The following ALDH18A1 variants were observed in gnomAD, a reference collection of about 807,000 sequenced individuals.
ALDH18A1 encodes the protein aldehyde dehydrogenase 18 family member A1, also known as delta-1-pyrroline-5-carboxylate synthase.
ALDH18A1 carries 44 observed loss-of-function variants against 88.8 expected under a neutral mutation model. That is an observed-to-expected ratio of 0.50 (90% CI 0.39 to 0.64). The LOEUF (loss-of-function observed/expected upper bound fraction) is 0.64. Ranked by LOEUF, ALDH18A1 falls within the 30% of genes least tolerant of loss-of-function variation. The probability of loss-of-function intolerance (pLI) is 0.00; values close to 1 mark genes in which losing one functional copy is unlikely to be tolerated. For missense variants in ALDH18A1, 782 were observed against 1,009.5 expected (o/e 0.77, Z 3.05); for synonymous variants, 331 against 372.1 (o/e 0.89, Z 1.27).
intron 17 of ALDH18A1, among the ~76,000 whole-genome samples, chr10:95,607,332 T>C (rs2097824637): frequency 6.6e-6 from 1 of 152,214 alleles, no homozygotes; most frequent in Admixed American, 6.5e-5. Flanking sequence ...AAATACTCTT[T>C]AAATCTTAGA....
chr10:95,653,928 T>G (rs34297443), intron 1 of ALDH18A1, among the ~76,000 whole-genome samples: 22,054 of 152,178 alleles, frequency 0.14, 2,048 homozygotes, highest in East Asian at 0.49. Flanking sequence ...CCCACAGGAT[T>G]ACAAAATAAC....
chr10:95,626,839 T>C, intron 9 of ALDH18A1, 63 bp from the exon 10 acceptor site: 1 of 1,550,808 alleles, frequency 6.4e-7, no homozygotes, highest in Non-Finnish European at 8.9e-7. Flanking sequence ...GTTCTACTAC[T>C]AGAGAGAGAA....
Position 95,631,876 on chromosome 10 carries a change from A to G in ALDH18A1, c.808+1083T>C, listed in dbSNP as rs565444402. Among the ~76,000 whole-genome samples the G allele has an allele frequency of 2.0e-5, 3 of 152,306 alleles. No individual in the cohort carries two copies. In the South Asian group the frequency reaches 6.2e-4, roughly 32 times the overall value. ...TTGGAAAACAGTCTAGTAGCTCCTCAAAAGTCTTTTAAACAGAGTTACCAT... is the reference window on the plus strand; with the variant it reads ...TTGGAAAACAGTCTAGTAGCTCCTCGAAAGTCTTTTAAACAGAGTTACCAT... On this transcript the variant is annotated intron_variant, in intron 7 of 17. Transcript: ENST00000371224.
chr10:95,656,270 A>T (rs1261226719), intron 1 of ALDH18A1, among the ~76,000 whole-genome samples: 1 of 152,132 alleles, frequency 6.6e-6, no homozygotes, highest in East Asian at 1.9e-4. Context: ...TGAAGTCTCC[A>T]CTTGGCCCAG....
intron 17 of ALDH18A1, 115 bp from the exon 18 acceptor site, chr10:95,607,058 C>T: frequency 9.8e-7 from 1 of 1,019,016 alleles, no homozygotes; most frequent in Non-Finnish European, 1.5e-6. Flanking sequence ...CCTGCTAACT[C>T]CTCATCCATC....
intron 1 of ALDH18A1, among the ~76,000 whole-genome samples, chr10:95,655,681 A>AGTGTGTGTGTGTGTGTGT (rs3838754): frequency 7.3e-5 from 11 of 150,168 alleles, no homozygotes; most frequent in African/African-American, 2.7e-4. Context: ...GAGCAAAGAG[A>AGTGTGTGTGTGTGTGTGT]GTGTGTGTGT....
rs2097882570 is a variant in ALDH18A1, at chr10:95,637,279, G to A, written c.453+8C>T. ...ATCCATTTCAATGTGTGGGGAAGCAGCACTCACCATTTCTTTCAGCTGGTT... is the reference window on the plus strand; with the variant it reads ...ATCCATTTCAATGTGTGGGGAAGCAACACTCACCATTTCTTTCAGCTGGTT... On this transcript the variant is annotated splice_region_variant and intron_variant, in intron 4 of 17. Transcript: ENST00000371224. 1.2e-6 allele frequency: 2 copies of A among 1,614,110 alleles called. No individual in the cohort carries two copies. The highest frequency in any genetic ancestry group is 1.3e-5 in the African/African-American group (1 of 74,930).
chr10:95,652,502 G>A (rs1204611863), intron 2 of ALDH18A1, among the ~76,000 whole-genome samples: 2 of 152,082 alleles, frequency 1.3e-5, no homozygotes, highest in Admixed American at 1.3e-4. Flanking sequence ...GAGGGAGGCC[G>A]AGGCGGGCAG....
At chr10:95,619,343 C>A (rs1304746561) in intron 12 of ALDH18A1, among the ~76,000 whole-genome samples, 1 of 152,148 alleles carries the variant, frequency 6.6e-6, no homozygotes, top group African/African-American at 2.4e-5. Context: ...GAATCAATAT[C>A]ATGAAAATGG....
At position 95,627,435 on chromosome 10, in the gene ALDH18A1, T is replaced by G. The variant is rs368264032; in HGVS notation, c.1078+7A>C. Reference sequence around the variant, plus strand: ...CAGGCCTTGGGACCTTATGAAGAACTATTTACCTGCAGGCTTTACTTCTGA... The same window carrying G: ...CAGGCCTTGGGACCTTATGAAGAACGATTTACCTGCAGGCTTTACTTCTGA... On this transcript the variant is annotated splice_region_variant and intron_variant, in intron 9 of 17. Transcript: ENST00000371224. 3.7e-6 allele frequency: 6 copies of G among 1,614,018 alleles called. No homozygotes were observed. The highest frequency in any genetic ancestry group is 2.2e-5 in the South Asian group (2 of 91,092).
At chr10:95,638,211 C>CA (rs2097884823) in intron 3 of ALDH18A1, among the ~76,000 whole-genome samples, 2 of 152,172 alleles carry the variant, frequency 1.3e-5, no homozygotes, top group East Asian at 1.9e-4. Flanking sequence ...TTTGTAGAAA[C>CA]AGAGTCTCAC....
chr10:95,653,917 G>A (rs1433691636), intron 1 of ALDH18A1, among the ~76,000 whole-genome samples: 1 of 152,164 alleles, frequency 6.6e-6, no homozygotes, highest in Admixed American at 6.5e-5. Flanking sequence ...TCTTCCTGAT[G>A]CCCACAGGAT....
At chr10:95,627,413 G>GTC in intron 9 of ALDH18A1, 29 bp downstream of exon 9, 1 of 1,613,730 alleles carries the variant, frequency 6.2e-7, no homozygotes, top group Non-Finnish European at 8.5e-7. Flanking sequence ...CCCATCACAG[G>GTC]CCTTGGGACC....
chr10:95,611,571 T>C (rs968886862), intron 15 of ALDH18A1, 129 bp from the exon 16 acceptor site: 58 of 954,146 alleles, frequency 6.1e-5, no homozygotes, highest in Non-Finnish European at 9.5e-5. Context: ...ACAACTGAAC[T>C]AGTCCTACTT....
At chr10:95,633,416 CTGGTGTTAGTGCATGCAGCATAGCA>C in intron 6 of ALDH18A1, 50 bp downstream of exon 6, 1 of 1,559,404 alleles carries the variant, frequency 6.4e-7, no homozygotes. Flanking sequence ...TGCCAAACTT[CTGGTGTTAGTGCATGCAGCATAGCA>C]TGGTGTTAGT....
At chr10:95,618,692 T>C (rs2097847679) in intron 12 of ALDH18A1, among the ~76,000 whole-genome samples, 1 of 152,224 alleles carries the variant, frequency 6.6e-6, no homozygotes, top group Non-Finnish European at 1.5e-5. Context: ...CCATCAGTGA[T>C]ACTGACAATA....
chr10:95,609,769 A>ATTTTTTT (rs55659918), intron 17 of ALDH18A1, among the ~76,000 whole-genome samples: 1,375 of 114,144 alleles, frequency 0.012, 113 homozygotes, highest in East Asian at 0.041. Flanking sequence ...GTCTGTCTCT[A>ATTTTTTT]TTTTTTTTTT....
chr10:95,642,487 T>C (rs2097893638), intron 3 of ALDH18A1, among the ~76,000 whole-genome samples: 2 of 152,132 alleles, frequency 1.3e-5, no homozygotes, highest in Admixed American at 1.3e-4. Context: ...TAATGGTTTG[T>C]GCCTGTAGCT....
intron 12 of ALDH18A1, 82 bp from the exon 13 acceptor site, chr10:95,616,696 T>TGAGAGAATCTCAGCAAA: frequency 6.6e-7 from 1 of 1,511,750 alleles, no homozygotes; most frequent in Non-Finnish European, 9.0e-7. Context: ...AAGCACTCCT[T>TGAGAGAATCTCAGCAAA]CTGTGCTAAG....
Sources: allele counts gnomAD v4.1 joint callset (sites outside exome capture counted in the v4.1 genomes callset), GRCh38; gene constraint gnomAD v4.1.1; transcripts MANE v1.5; gene names NCBI Gene and HGNC (gene_info 2026-07-23, HGNC 2026-07-21).